CTF1: variants seen among roughly 807,000 people sequenced by gnomAD.
CTF1 encodes the protein cardiotrophin 1.
Under a neutral mutation model 10.9 loss-of-function variants are expected in CTF1, and 9 were observed. The observed-to-expected ratio is 0.83, with a 90% CI of 0.50 to 1.44. The LOEUF is 1.44. CTF1 is among the 40% of genes most tolerant of loss of function. The pLI is 0.00. For missense variants in CTF1, 259 were observed against 275.3 expected (o/e 0.94, Z 0.42); for synonymous variants, 133 against 138.8 (o/e 0.96, Z 0.29).
upstream of CTF1, chr16:30,896,480 C>G (rs1396633272): frequency 3.3e-5 from 20 of 613,102 alleles, no homozygotes; most frequent in Non-Finnish European, 4.1e-5. Flanking sequence ...GGACGAGGAG[C>G]TGAGCTCAGG....
rs2234933 is a variant in CTF1 at position 30,902,207 on chromosome 16, G to A, written c.274G>A (p.Ala92Thr). 312 of 1,172,800 alleles carry A rather than the reference G, an allele frequency of 2.7e-4. 1 individual carries two copies. Among genetic ancestry groups the A allele is most frequent in the Non-Finnish European group, 2.0e-4 (187 of 951,886 alleles). 72.6% of individuals were successfully genotyped at this position (1,172,800 alleles called of 1,614,324 possible). ...PVHERLRLDA[A>T]ALAALPPLLD... The stretch of plus-strand genomic sequence containing the variant: ...GCACGAGCGGCTGCGGCTGGACGCG[G>A]CGGCGCTGGCCGCGCTGCCCCCGCT... Residue 92 changes from alanine (A) to threonine (T), a missense_variant, in exon 3 of 3, where the codon GCG (alanine) becomes ACG (threonine). Transcript: ENST00000279804.
Position 30,902,572 on chromosome 16 carries a change from G to A in CTF1, c.*33G>A. On this transcript the variant is annotated 3_prime_UTR_variant, in exon 3 of 3. Coordinates refer to ENST00000279804, the MANE Select transcript of CTF1 (RefSeq NM_001330.5). ...GGGGCAGCTCGCCCCGCCTCCTCCC[G>A]CTGGGTTCCGTCTCTCCTTCCGCTT... 2 of 1,487,578 alleles carry A rather than the reference G, an allele frequency of 1.3e-6. No homozygotes were observed. Among genetic ancestry groups the A allele is most frequent in the Admixed American group, 2.1e-5 (1 of 47,452 alleles). 92.1% of individuals were successfully genotyped at this position (1,487,578 alleles called of 1,614,324 possible). A position where few individuals can be genotyped will look rare whatever the true frequency, so the allele number is the denominator to read the frequency against.
At position 30,902,845 on chromosome 16, in the gene CTF1, T is replaced by C. The variant is rs958277434; in HGVS notation, c.*306T>C. ...GCGCCACCACAGCCGGCTAATTTTT[T>C]ATTTAATTTTTTGTAGAGACGAGGT... is the stretch of plus-strand genomic sequence containing the variant. On this transcript the variant is annotated 3_prime_UTR_variant, in exon 3 of 3. Transcript: ENST00000279804. 9.0e-5 allele frequency: 21 copies of C among 232,192 alleles called. No homozygotes were observed. Among genetic ancestry groups the C allele is most frequent in the African/African-American group, 4.3e-4 (19 of 44,024 alleles). 14.4% of individuals were successfully genotyped at this position (232,192 alleles called of 1,614,324 possible).
At chr16:30,898,154 C>A (rs2055370090) in intron 1 of CTF1, among the ~76,000 whole-genome samples, 1 of 151,516 alleles carries the variant, frequency 6.6e-6, no homozygotes, top group Non-Finnish European at 1.5e-5. Flanking sequence ...AGCCACTGCG[C>A]CTGGACAATT....
intron 2 of CTF1, among the ~76,000 whole-genome samples, chr16:30,899,909 G>A (rs1309925435): frequency 6.6e-5 from 10 of 152,180 alleles, no homozygotes; most frequent in Non-Finnish European, 1.5e-4. Context: ...ACACCATCAT[G>A]CCTGGGTAAT....
At chr16:30,900,624 G>T (rs751929556) in intron 2 of CTF1, among the ~76,000 whole-genome samples, 16 of 151,976 alleles carry the variant, frequency 1.1e-4, no homozygotes, top group African/African-American at 4.8e-5. Context: ...TAAAAGAAAA[G>T]AAAATAAAAA....
intron 2 of CTF1, among the ~76,000 whole-genome samples, chr16:30,901,021 G>A (rs553891964): frequency 6.6e-6 from 1 of 152,052 alleles, no homozygotes; most frequent in African/African-American, 2.4e-5. Context: ...AGTCTCCTGA[G>A]TAGCTGGGAT....
chr16:30,900,936 C>T (rs1454688132), intron 2 of CTF1, among the ~76,000 whole-genome samples: 1 of 151,622 alleles, frequency 6.6e-6, no homozygotes, highest in Non-Finnish European at 1.5e-5. Flanking sequence ...TCTTGTGGCC[C>T]AGGTTGGAGT....
intron 2 of CTF1, among the ~76,000 whole-genome samples, chr16:30,901,799 G>A (rs1398108167): frequency 6.8e-6 from 1 of 146,356 alleles, no homozygotes; most frequent in Non-Finnish European, 1.5e-5. Context: ...GCCTAGGCTG[G>A]TCTCGAACCC....
At chr16:30,901,864 C>T (rs1032748124) in intron 2 of CTF1, among the ~76,000 whole-genome samples, 2 of 151,522 alleles carry the variant, frequency 1.3e-5, no homozygotes, top group African/African-American at 4.8e-5. Flanking sequence ...CCTAAACTGG[C>T]CCAGTCTGGG....
chr16:30,898,430 C>A (rs898102963), intron 1 of CTF1, among the ~76,000 whole-genome samples: 1 of 152,024 alleles, frequency 6.6e-6, no homozygotes, highest in Admixed American at 6.6e-5. Context: ...GGATTAAAGG[C>A]GTGAACCACT....
At position 30,902,081 on chromosome 16, in the gene CTF1, C is replaced by A; in HGVS notation, c.148C>A (p.Gln50Lys). ...YAEQLLQEYV[Q>K]LQGDPFGLPS... ...CCCGCCGGCCGTGTCTCCGCAGGTGCAGCTCCAGGGAGACCCCTTCGGGCT... is the reference window on the plus strand; with the variant it reads ...CCCGCCGGCCGTGTCTCCGCAGGTGAAGCTCCAGGGAGACCCCTTCGGGCT... Residue 50 changes from glutamine to lysine, a missense_variant, in exon 3 of 3, where the codon CAG becomes AAG. Coordinates refer to ENST00000279804, the MANE Select transcript of CTF1 (RefSeq NM_001330.5). The A allele has an allele frequency of 6.9e-7, 1 of 1,450,900 alleles. No homozygotes were observed. 89.9% of individuals were successfully genotyped at this position (1,450,900 alleles called of 1,614,324 possible). A position where few individuals can be genotyped will look rare whatever the true frequency, so the allele number is the denominator to read the frequency against.
At chr16:30,898,584 C>T (rs968745671) in intron 1 of CTF1, among the ~76,000 whole-genome samples, 66 of 152,234 alleles carry the variant, frequency 4.3e-4, no homozygotes, top group African/African-American at 1.3e-3. Flanking sequence ...TGAGCCACCA[C>T]GCCTAACCGA....
chr16:30,899,635 T>C (rs768462803), intron 2 of CTF1, 102 bp downstream of exon 2: 1 of 740,744 alleles, frequency 1.3e-6, no homozygotes, highest in Non-Finnish European at 2.2e-6. Context: ...TTTCCAACTG[T>C]GGAAATCAGG....
At chr16:30,901,996 A>C in intron 2 of CTF1, 82 bp from the exon 3 acceptor site, 1 of 1,227,016 alleles carries the variant, frequency 8.1e-7, no homozygotes, top group Non-Finnish European at 1.0e-6. Context: ...TGACACCCCC[A>C]GAGAGCGGGT....
chr16:30,900,894 A>ATT (rs764298787), intron 2 of CTF1, among the ~76,000 whole-genome samples: 6 of 139,298 alleles, frequency 4.3e-5, no homozygotes, highest in East Asian at 4.1e-4. Flanking sequence ...CCAGCCCAAC[A>ATT]TTTTTTTTTT....
chr16:30,899,146 G>A (rs1426897138), intron 1 of CTF1, among the ~76,000 whole-genome samples: 1 of 151,906 alleles, frequency 6.6e-6, no homozygotes, highest in Non-Finnish European at 1.5e-5. Flanking sequence ...CGATGAAATC[G>A]CCTAAGGATG....
chr16:30,897,785 G>A (rs985032847), intron 1 of CTF1, among the ~76,000 whole-genome samples: 1 of 152,142 alleles, frequency 6.6e-6, no homozygotes, highest in Non-Finnish European at 1.5e-5. Context: ...AGCCCAGGAG[G>A]TCGAGGCTGC....
At chr16:30,902,029 C>T (rs2055404544) in intron 2 of CTF1, 49 bp from the exon 3 acceptor site, 1 of 1,405,000 alleles carries the variant, frequency 7.1e-7, no homozygotes, top group Non-Finnish European at 9.3e-7. Flanking sequence ...TTAACAGCCC[C>T]CTGCCCGTGC....
Sources: gnomAD v4.1 joint callset for allele counts (sites outside exome capture counted in the v4.1 genomes callset) on GRCh38, gnomAD v4.1.1 for gene constraint, MANE v1.5 for transcripts, NCBI Gene and HGNC (gene_info 2026-07-23, HGNC 2026-07-21) for gene names.